The following LYNX1 variants were observed in gnomAD, a reference collection of about 807,000 sequenced individuals.
LYNX1 encodes Ly6/neurotoxin 1.
A neutral mutation model predicts 8.3 loss-of-function variants in LYNX1; 8 were observed. The observed-to-expected ratio is 0.97, with a 90% CI of 0.57 to 1.74. LYNX1 has a LOEUF of 1.74. LYNX1 is among the 40% of genes most tolerant of loss of function. The pLI, the probability that LYNX1 is intolerant of heterozygous loss-of-function variation, is 0.00. For synonymous variants in LYNX1, 73 were observed against 67.9 expected (o/e 1.08, Z -0.37); for missense variants, 158 against 159.7 (o/e 0.99, Z 0.06).
rs2130097772 is a variant in LYNX1, at chr8:142,772,534, CA to C, written c.*2632del. ...AGGGGGTGGTGAGTGAGCGAGGAGGCACTAGTGTGGGGCAGCTACTTCACCT... is the reference window on the plus strand; with the variant it reads ...AGGGGGTGGTGAGTGAGCGAGGAGGCCTAGTGTGGGGCAGCTACTTCACCT... On this transcript the variant is annotated 3_prime_UTR_variant, in exon 4 of 4. Transcript: ENST00000652477. The C allele has an allele frequency of 1.0e-6, 1 of 985,504 alleles. No homozygotes were observed. The allele number at this position is 985,504 out of a possible 1,614,324, so 61.0% of individuals were successfully genotyped here. A position where few individuals can be genotyped will look rare whatever the true frequency, so the allele number is the denominator to read the frequency against.
In LYNX1 at chr8:142,771,460, G is replaced by C. The variant is rs1815173547; in HGVS notation, c.*3707C>G. On this transcript the variant is annotated 3_prime_UTR_variant, in exon 4 of 4. Coordinates refer to ENST00000652477, the MANE Select transcript of LYNX1 (RefSeq NM_177477.4). ...GCTCAGGGCTGGGCGGAAGCTGGCA[G>C]GGCTGTCCACAGGGAGGACCCCCGT... 1.0e-6 allele frequency: 1 copy of C among 985,330 alleles called. No homozygotes were observed. The highest frequency in any genetic ancestry group is 6.1e-5 in the Admixed American group (1 of 16,274). 61.0% of individuals were successfully genotyped at this position (985,330 alleles called of 1,614,324 possible). A position where few individuals can be genotyped will look rare whatever the true frequency, so the allele number is the denominator to read the frequency against.
chr8:142,773,494 T>G lies in LYNX1; in HGVS notation c.*1673A>C. On this transcript the variant is annotated 3_prime_UTR_variant, in exon 4 of 4. Transcript: ENST00000652477. Reference sequence around the variant, plus strand: ...GGCCCGTTCCCACCCAAGGTCCCTTTGCAGAAGACTGGCACTGTCCTCCTC... The same window carrying G: ...GGCCCGTTCCCACCCAAGGTCCCTTGGCAGAAGACTGGCACTGTCCTCCTC... 1 of 985,504 alleles carries G rather than the reference T, an allele frequency of 1.0e-6. No individual in the cohort carries two copies. The highest frequency in any genetic ancestry group is 1.1e-4 in the East Asian group (1 of 8,794). The allele number at this position is 985,504 out of a possible 1,614,324, so 61.0% of individuals were successfully genotyped here. A position where few individuals can be genotyped will look rare whatever the true frequency, so the allele number is the denominator to read the frequency against.
Position 142,774,144 on chromosome 8 carries a change from C to T in LYNX1, c.*1023G>A, listed in dbSNP as rs949420638. Reference sequence around the variant, plus strand: ...CGCTGCGGGGGAGGGGCTGGGTCTCCGCCCTCCCCACCCCACCCTCCCCAC... The same window carrying T: ...CGCTGCGGGGGAGGGGCTGGGTCTCTGCCCTCCCCACCCCACCCTCCCCAC... On this transcript the variant is annotated 3_prime_UTR_variant, in exon 4 of 4. Coordinates refer to ENST00000652477, the MANE Select transcript of LYNX1 (RefSeq NM_177477.4). 8.1e-6 allele frequency: 8 copies of T among 983,670 alleles called. No homozygotes were observed. The highest frequency in any genetic ancestry group is 9.4e-5 in the South Asian group (2 of 21,228). The allele number at this position is 983,670 out of a possible 1,614,324, so 60.9% of individuals were successfully genotyped here.
rs2130116776 is a variant in LYNX1, at chr8:142,775,639, G to A, written c.108C>T (p.Pro36=). The change falls in exon 3 of 4, where the codon CCC becomes CCT. Residue 36 remains proline, a synonymous_variant. Transcript: ENST00000652477. ...CAYNGDNCFN[P]MRCPAMVAYC... ...AGGCAACCATAGCCGGGCAGCGCAT[G>A]GGGTTGAAGCAGTTGTCTCCGTTGT... is the stretch of plus-strand genomic sequence containing the variant. The A allele has an allele frequency of 6.2e-7, 1 of 1,604,076 alleles. No individual in the cohort carries two copies. The highest frequency in any genetic ancestry group is 2.2e-5 in the East Asian group (1 of 44,448).
Position 142,773,889 on chromosome 8 carries a change from G to A in LYNX1, c.*1278C>T. The A allele has an allele frequency of 1.0e-6, 1 of 985,416 alleles. No individual in the cohort carries two copies. The highest frequency in any genetic ancestry group is 1.2e-6 in the Non-Finnish European group (1 of 829,932). The allele number at this position is 985,416 out of a possible 1,614,324, so 61.0% of individuals were successfully genotyped here. ...GGCCTCAGGTGCAGCGTGACCGCTGGCACCAAAAGGTCTCACGCCCCCGAA... is the reference window on the plus strand; with the variant it reads ...GGCCTCAGGTGCAGCGTGACCGCTGACACCAAAAGGTCTCACGCCCCCGAA... On this transcript the variant is annotated 3_prime_UTR_variant, in exon 4 of 4. Transcript: ENST00000652477.
chr8:142,775,803 A>G, intron 2 of LYNX1, 103 bp downstream of exon 2: 2 of 1,555,002 alleles, frequency 1.3e-6, no homozygotes, highest in South Asian at 1.1e-5. Context: ...GCAGGGGGCT[A>G]GAAGGAGGGG....
chr8:142,774,183 C>T lies in LYNX1; in HGVS notation c.*984G>A, dbSNP rs780845953. 410 of 983,682 alleles carry T rather than the reference C, an allele frequency of 4.2e-4. 1 individual carries two copies. The highest frequency in any genetic ancestry group is 4.7e-4 in the Non-Finnish European group (392 of 829,338). 60.9% of individuals were successfully genotyped at this position (983,682 alleles called of 1,614,324 possible). On this transcript the variant is annotated 3_prime_UTR_variant, in exon 4 of 4. Coordinates refer to ENST00000652477, the MANE Select transcript of LYNX1 (RefSeq NM_177477.4). ...CACCCTCCCCACTCCCGCCCCCGCACGGCCACGAGAGGGTGGCATGCTCCG... is the reference window on the plus strand; with the variant it reads ...CACCCTCCCCACTCCCGCCCCCGCATGGCCACGAGAGGGTGGCATGCTCCG...
In LYNX1 at chr8:142,774,340, A is replaced by G; in HGVS notation, c.*827T>C. 1 of 985,784 alleles carries G rather than the reference A, an allele frequency of 1.0e-6. No individual in the cohort carries two copies. The highest frequency in any genetic ancestry group is 1.2e-6 in the Non-Finnish European group (1 of 830,308). The allele number at this position is 985,784 out of a possible 1,614,324, so 61.1% of individuals were successfully genotyped here. On this transcript the variant is annotated 3_prime_UTR_variant, in exon 4 of 4. Transcript: ENST00000652477. The stretch of plus-strand genomic sequence containing the variant: ...GTGGTTGGGGACCAGGACTCGGGGG[A>G]CCACCTGCTCTGCCCCTTTCCCTCC...
In LYNX1 at chr8:142,773,400, C is replaced by G. The variant is rs1407337612; in HGVS notation, c.*1767G>C. ...CAGGCCCACCCTGTGCTGGCAGCAA[C>G]TCCTTCCCAGCTCTGGGCCCAGTAT... On this transcript the variant is annotated 3_prime_UTR_variant, in exon 4 of 4. Transcript: ENST00000652477. 4 of 985,778 alleles carry G rather than the reference C, an allele frequency of 4.1e-6. No individual in the cohort carries two copies. The highest frequency in any genetic ancestry group is 1.1e-4 in the East Asian group (1 of 8,816). 61.1% of individuals were successfully genotyped at this position (985,778 alleles called of 1,614,324 possible).
At position 142,771,259 on chromosome 8, in the gene LYNX1, T is replaced by TAAGGGTTAGGGC; in HGVS notation, c.*3896_*3907dup. 1.0e-6 allele frequency: 1 copy of TAAGGGTTAGGGC among 984,880 alleles called. No individual in the cohort carries two copies. Among genetic ancestry groups the TAAGGGTTAGGGC allele is most frequent in the Non-Finnish European group, 1.2e-6 (1 of 829,788 alleles). The allele number at this position is 984,880 out of a possible 1,614,324, so 61.0% of individuals were successfully genotyped here. ...AGACGACGCTGGACGCTGGTTAGGG[T>TAAGGGTTAGGGC]AAGGGTTAGGGCAAGCATTAGCAGC... On this transcript the variant is annotated 3_prime_UTR_variant, in exon 4 of 4. Transcript: ENST00000652477.
At position 142,774,828 on chromosome 8, in the gene LYNX1, G is replaced by A. The variant is rs1045397267; in HGVS notation, c.*339C>T. On this transcript the variant is annotated 3_prime_UTR_variant, in exon 4 of 4. Coordinates refer to ENST00000652477, the MANE Select transcript of LYNX1 (RefSeq NM_177477.4). Reference sequence around the variant, plus strand: ...GACTGAGGCAGGGGCCTCTCCTAGGGCTTCCCAGAAGGTGGGCTTGGCCAC... The same window carrying A: ...GACTGAGGCAGGGGCCTCTCCTAGGACTTCCCAGAAGGTGGGCTTGGCCAC... 2 of 1,185,734 alleles carry A rather than the reference G, an allele frequency of 1.7e-6. No individual in the cohort carries two copies. The highest frequency in any genetic ancestry group is 1.5e-5 in the African/African-American group (1 of 64,608). 73.5% of individuals were successfully genotyped at this position (1,185,734 alleles called of 1,614,324 possible).
In LYNX1 at chr8:142,775,669, A is replaced by G. The variant is rs997252213; in HGVS notation, c.78T>C (p.Cys26=). Reference sequence around the variant, plus strand: ...TGAAGCAGTTGTCTCCGTTGTAGGCACACACGTGGCAGTCCAAGGCCTGGG... The same window carrying G: ...TGAAGCAGTTGTCTCCGTTGTAGGCGCACACGTGGCAGTCCAAGGCCTGGG... ...PLAQALDCHV[C]AYNGDNCFNP... The change falls in exon 3 of 4, where the codon TGT becomes TGC. Residue 26 remains cysteine, a synonymous_variant. Transcript: ENST00000652477. 1 of 1,602,308 alleles carries G rather than the reference A, an allele frequency of 6.2e-7. No individual in the cohort carries two copies. Among genetic ancestry groups the G allele is most frequent in the African/African-American group, 1.3e-5 (1 of 74,900 alleles).
rs1295034908 is a variant in LYNX1 at position 142,774,145 on chromosome 8, G to A, written c.*1022C>T. ...GCTGCGGGGGAGGGGCTGGGTCTCCGCCCTCCCCACCCCACCCTCCCCACT... is the reference window on the plus strand; with the variant it reads ...GCTGCGGGGGAGGGGCTGGGTCTCCACCCTCCCCACCCCACCCTCCCCACT... On this transcript the variant is annotated 3_prime_UTR_variant, in exon 4 of 4. Coordinates refer to ENST00000652477, the MANE Select transcript of LYNX1 (RefSeq NM_177477.4). The A allele has an allele frequency of 5.0e-5, 49 of 982,070 alleles. No individual in the cohort carries two copies. The highest frequency in any genetic ancestry group is 7.1e-5 in the African/African-American group (4 of 56,640). The allele number at this position is 982,070 out of a possible 1,614,324, so 60.8% of individuals were successfully genotyped here.
rs922756880 is a variant in LYNX1, at chr8:142,775,770, C to T, written c.53-76G>A. On this transcript the variant is annotated intron_variant, in intron 2 of 3. Coordinates refer to ENST00000652477, the MANE Select transcript of LYNX1 (RefSeq NM_177477.4). ...GGCCCCTCCTCCAGCCCATCAGGCC[C>T]CCAGCCCGTCACCTTCCCCGGGGCA... 7.2e-5 allele frequency: 111 copies of T among 1,536,588 alleles called. 1 individual carries two copies. Among genetic ancestry groups the T allele is most frequent in the South Asian group, 2.8e-4 (24 of 85,484 alleles).
rs1247090419 is a variant in LYNX1 at position 142,773,059 on chromosome 8, G to A, written c.*2108C>T. The stretch of plus-strand genomic sequence containing the variant: ...TCGAGACAGGGAGGACCTGATCCTG[G>A]AGTCCCTCCCAGCCCTGGCTGAGGA... On this transcript the variant is annotated 3_prime_UTR_variant, in exon 4 of 4. Coordinates refer to ENST00000652477, the MANE Select transcript of LYNX1 (RefSeq NM_177477.4). The A allele has an allele frequency of 1.0e-6, 1 of 985,428 alleles. No homozygotes were observed. The highest frequency in any genetic ancestry group is 1.2e-6 in the Non-Finnish European group (1 of 830,022). The allele number at this position is 985,428 out of a possible 1,614,324, so 61.0% of individuals were successfully genotyped here.
chr8:142,771,429 A>G lies in LYNX1; in HGVS notation c.*3738T>C. The G allele has an allele frequency of 3.0e-6, 3 of 985,326 alleles. No individual in the cohort carries two copies. Among genetic ancestry groups the G allele is most frequent in the Non-Finnish European group, 3.6e-6 (3 of 829,918 alleles). 61.0% of individuals were successfully genotyped at this position (985,326 alleles called of 1,614,324 possible). A position where few individuals can be genotyped will look rare whatever the true frequency, so the allele number is the denominator to read the frequency against. ...ACCACCCCTTACTCCTCAAGATGCA[A>G]ATGAAGCTCAGGGCTGGGCGGAAGC... On this transcript the variant is annotated 3_prime_UTR_variant, in exon 4 of 4. Coordinates refer to ENST00000652477, the MANE Select transcript of LYNX1 (RefSeq NM_177477.4).
rs587725539 is a variant in LYNX1 at position 142,774,007 on chromosome 8, G to A, written c.*1160C>T. On this transcript the variant is annotated 3_prime_UTR_variant, in exon 4 of 4. Coordinates refer to ENST00000652477, the MANE Select transcript of LYNX1 (RefSeq NM_177477.4). ...GGGCTGACCCCTGCTTCCCAGGCCT[G>A]GGGTGGGGTCCCTGGGAGTCCACAC... 81 of 985,480 alleles carry A rather than the reference G, an allele frequency of 8.2e-5. No individual in the cohort carries two copies. Among genetic ancestry groups the A allele is most frequent in the Admixed American group, 4.9e-4 (8 of 16,288 alleles). The allele number at this position is 985,480 out of a possible 1,614,324, so 61.0% of individuals were successfully genotyped here.
Position 142,775,713 on chromosome 8 carries a change from C to T in LYNX1, c.53-19G>A, listed in dbSNP as rs367773390. Reference sequence around the variant, plus strand: ...GCCTGGGCTGGGGTTGGCAGATGGGCGGGAAGGGAACGGGGGTCACAGAAC... The same window carrying T: ...GCCTGGGCTGGGGTTGGCAGATGGGTGGGAAGGGAACGGGGGTCACAGAAC... On this transcript the variant is annotated intron_variant, in intron 2 of 3. Coordinates refer to ENST00000652477, the MANE Select transcript of LYNX1 (RefSeq NM_177477.4). 2,074 of 1,576,570 alleles carry T rather than the reference C, an allele frequency of 1.3e-3. 5 individuals are homozygous for T. The highest frequency in any genetic ancestry group is 1.6e-3 in the Non-Finnish European group (1,885 of 1,160,192).
rs552985319 is a variant in LYNX1 at position 142,776,060 on chromosome 8, G to A, written c.-103C>T. 180 of 1,382,996 alleles carry A rather than the reference G, an allele frequency of 1.3e-4. No individual in the cohort carries two copies. The highest frequency in any genetic ancestry group is 4.3e-4 in the Middle Eastern group (2 of 4,670). The allele number at this position is 1,382,996 out of a possible 1,614,324, so 85.7% of individuals were successfully genotyped here. The stretch of plus-strand genomic sequence containing the variant: ...CAGAGGATCCAACTCAGGGTGGTGC[G>A]CAGAGGACGTGGGGCCGGCCCTGCC... On this transcript the variant is annotated 5_prime_UTR_variant, in exon 2 of 4. Transcript: ENST00000652477.
Sources: gnomAD v4.1 joint callset for allele counts on GRCh38, gnomAD v4.1.1 for gene constraint, MANE v1.5 for transcripts, NCBI Gene and HGNC (gene_info 2026-07-23, HGNC 2026-07-21) for gene names.